Variants in TMC1 observed in about 807,000 individuals in gnomAD.
TMC1 encodes transmembrane channel-like protein 1.
In TMC1, 84 loss-of-function variants were observed where a neutral mutation model predicts 105.8. The ratio of observed to expected loss-of-function variants is 0.79; its 90% confidence interval spans 0.67 to 0.95. TMC1 has a LOEUF of 0.95. TMC1 is among the 40% of genes least tolerant of loss of function. The pLI, the probability that TMC1 is intolerant of heterozygous loss-of-function variation, is 0.00. For missense variants in TMC1, 817 were observed against 914.1 expected (o/e 0.89, Z 1.37); for synonymous variants, 315 against 311.5 (o/e 1.01, Z -0.12).
intron 2 of TMC1, among the ~76,000 whole-genome samples, chr9:72,615,879 G>C (rs1825118136): frequency 6.6e-6 from 1 of 151,468 alleles, no homozygotes; most frequent in Non-Finnish European, 1.5e-5. Flanking sequence ...TTAGCCTCCT[G>C]AGTAGCTGGG....
chr9:72,664,706 C>T (rs1285953446), intron 5 of TMC1, among the ~76,000 whole-genome samples: 1 of 152,128 alleles, frequency 6.6e-6, no homozygotes, highest in African/African-American at 2.4e-5. Flanking sequence ...ATCCCCTTTC[C>T]AGCTCCCCAC....
chr9:72,576,618 CTT>C (rs71357588), intron 1 of TMC1, among the ~76,000 whole-genome samples: 6 of 135,138 alleles, frequency 4.4e-5, no homozygotes, highest in South Asian at 2.3e-4. Context: ...CTCCCAATTT[CTT>C]TTTTTTTTTT....
At chr9:72,543,402 G>A (rs1823709797) in intron 1 of TMC1, among the ~76,000 whole-genome samples, 1 of 152,056 alleles carries the variant, frequency 6.6e-6, no homozygotes, top group Admixed American at 6.6e-5. Flanking sequence ...ATAGATTATT[G>A]GAATAACCTT....
chr9:72,752,681 A>T (rs1168576105), intron 11 of TMC1, among the ~76,000 whole-genome samples: 1 of 152,172 alleles, frequency 6.6e-6, no homozygotes, highest in Non-Finnish European at 1.5e-5. Flanking sequence ...ACCTTACAGA[A>T]GTTGGATTAG....
chr9:72,649,889 C>G (rs918722854), intron 5 of TMC1, among the ~76,000 whole-genome samples: 2 of 152,158 alleles, frequency 1.3e-5, no homozygotes, highest in Non-Finnish European at 2.9e-5. Context: ...TTTACAAAAA[C>G]TTGTAATAAA....
intron 10 of TMC1, among the ~76,000 whole-genome samples, chr9:72,743,283 C>A (rs1475353868): frequency 1.3e-5 from 2 of 149,434 alleles, no homozygotes; most frequent in Non-Finnish European, 3.0e-5. Flanking sequence ...AGGAGAATGG[C>A]GTGAACCCAG....
At chr9:72,737,977 A>G (rs1335398108) in intron 8 of TMC1, among the ~76,000 whole-genome samples, 1 of 152,210 alleles carries the variant, frequency 6.6e-6, no homozygotes, top group African/African-American at 2.4e-5. Flanking sequence ...GTGCAATCCC[A>G]AAGTCTGGGA....
At chr9:72,733,825 A>G (rs1369873321) in intron 8 of TMC1, among the ~76,000 whole-genome samples, 2 of 152,118 alleles carry the variant, frequency 1.3e-5, no homozygotes, top group South Asian at 2.1e-4. Flanking sequence ...CTTACCATAG[A>G]TCTTAGCAAC....
intron 2 of TMC1, among the ~76,000 whole-genome samples, chr9:72,609,147 C>T (rs1824977882): frequency 6.6e-6 from 1 of 151,606 alleles, no homozygotes; most frequent in Non-Finnish European, 1.5e-5. Context: ...AACCTTTTCC[C>T]CTTCTATTCT....
intron 1 of TMC1, among the ~76,000 whole-genome samples, chr9:72,565,665 A>G (rs1824138478): frequency 6.6e-6 from 1 of 152,154 alleles, no homozygotes; most frequent in Non-Finnish European, 1.5e-5. Context: ...ATAAAGAAAA[A>G]GAGGTTTAAC....
At chr9:72,608,655 C>T (rs1824966024) in intron 2 of TMC1, among the ~76,000 whole-genome samples, 1 of 146,198 alleles carries the variant, frequency 6.8e-6, no homozygotes. Context: ...TGCGGTGAGC[C>T]AAGATGGCAC....
intron 8 of TMC1, among the ~76,000 whole-genome samples, chr9:72,737,021 C>T (rs1486952431): frequency 1.3e-5 from 2 of 152,130 alleles, no homozygotes; most frequent in East Asian, 3.9e-4. Context: ...AGTTGGCCTT[C>T]AAAAGGGTGC....
Position 72,700,435 on chromosome 9 carries a change from A to G in TMC1, c.237-83A>G, listed in dbSNP as rs1826623489. ...TGGTTACATTTAAAAAAAATGAGCT[A>G]AATATCTGATACCTGCCTTCCTTAA... is the stretch of plus-strand genomic sequence containing the variant. On this transcript the variant is annotated intron_variant, in intron 7 of 23. Transcript: ENST00000297784. The G allele has an allele frequency of 2.5e-6, 3 of 1,219,888 alleles. No individual in the cohort carries two copies. The Admixed American group carries it at 6.7e-5, about 27-fold the overall frequency. The allele number at this position is 1,219,888 out of a possible 1,614,324, so 75.6% of individuals were successfully genotyped here. A position where few individuals can be genotyped will look rare whatever the true frequency, so the allele number is the denominator to read the frequency against.
intron 1 of TMC1, among the ~76,000 whole-genome samples, chr9:72,553,165 G>C (rs1823883379): frequency 6.6e-6 from 1 of 151,996 alleles, no homozygotes; most frequent in South Asian, 2.1e-4. Flanking sequence ...TAGAGACGGG[G>C]TTTCTCCATG....
chr9:72,823,896 A>G (rs1356327386), intron 20 of TMC1, among the ~76,000 whole-genome samples: 2 of 152,264 alleles, frequency 1.3e-5, no homozygotes, highest in African/African-American at 4.8e-5. Context: ...GAAAAGAAAC[A>G]TGGCCCATAA....
intron 8 of TMC1, among the ~76,000 whole-genome samples, chr9:72,702,914 C>T (rs746000279): frequency 6.6e-6 from 1 of 151,982 alleles, no homozygotes; most frequent in Non-Finnish European, 1.5e-5. Flanking sequence ...AAGGACAATA[C>T]GAGCCCTTAG....
intron 2 of TMC1, among the ~76,000 whole-genome samples, chr9:72,580,989 C>T (rs1335678718): frequency 6.6e-6 from 1 of 152,188 alleles, no homozygotes; most frequent in Non-Finnish European, 1.5e-5. Context: ...CTCTCCTCTG[C>T]CTCTCTCTAT....
At chr9:72,821,773 C>T (rs1828878139) in intron 20 of TMC1, among the ~76,000 whole-genome samples, 1 of 152,038 alleles carries the variant, frequency 6.6e-6, no homozygotes, top group South Asian at 2.1e-4. Flanking sequence ...ACGTGGTCAG[C>T]TATCACTACT....
intron 8 of TMC1, among the ~76,000 whole-genome samples, chr9:72,717,856 G>A (rs889324922): frequency 3.3e-5 from 5 of 152,134 alleles, no homozygotes; most frequent in African/African-American, 1.2e-4. Flanking sequence ...CAAGGCTGAG[G>A]AAGTTTTCCT....
Sources: allele counts gnomAD v4.1 joint callset (sites outside exome capture counted in the v4.1 genomes callset), GRCh38; gene constraint gnomAD v4.1.1; transcripts MANE v1.5; gene names NCBI Gene and HGNC (gene_info 2026-07-23, HGNC 2026-07-21).